AHCTF1: variants seen among roughly 807,000 people sequenced by gnomAD.
AHCTF1 encodes AT-hook containing transcription factor 1.
In AHCTF1, 24 loss-of-function variants were observed where a neutral mutation model predicts 248.4. That is an observed-to-expected ratio of 0.10 (90% confidence interval 0.07 to 0.14). The LOEUF (loss-of-function observed/expected upper bound fraction) is 0.14. Ranked by LOEUF, AHCTF1 falls within the 10% of genes least tolerant of loss-of-function variation. The pLI is 1.00. For missense variants in AHCTF1, 2,206 were observed against 2,636.2 expected, an observed-to-expected ratio of 0.84 and a Z score of 3.57; for synonymous variants, 786 against 929.8, an observed-to-expected ratio of 0.85 and a Z score of 2.81.
intron 1 of AHCTF1, chr1:246,931,327 T>C (rs1334940999): frequency 3.9e-6 from 6 of 1,545,274 alleles, no homozygotes; most frequent in Non-Finnish European, 5.2e-6. Flanking sequence ...TCCGCCGCCA[T>C]GTGCCGCCGC....
chr1:246,927,575 G>C (rs1225766721), intron 1 of AHCTF1, among the ~76,000 whole-genome samples: 1 of 152,234 alleles, frequency 6.6e-6, no homozygotes, highest in Non-Finnish European at 1.5e-5. Flanking sequence ...GTTCAGTACT[G>C]TACAAAATTA....
chr1:246,851,617 TTCTC>T (rs2103045054), intron 32 of AHCTF1, among the ~76,000 whole-genome samples, 175 bp from the exon 33 acceptor site: 1 of 152,326 alleles, frequency 6.6e-6, no homozygotes, highest in South Asian at 2.1e-4. Context: ...CAATCAGACT[TTCTC>T]ATTCAGTCAA....
intron 1 of AHCTF1, chr1:246,931,054 A>G: frequency 6.5e-7 from 1 of 1,526,732 alleles, no homozygotes; most frequent in Non-Finnish European, 8.8e-7. Context: ...AATCTCCTTG[A>G]TCTGACCAAT....
intron 21 of AHCTF1, among the ~76,000 whole-genome samples, chr1:246,877,895 A>G (rs1251863963): frequency 6.6e-6 from 1 of 152,168 alleles, no homozygotes; most frequent in South Asian, 2.1e-4. Context: ...AGAATCAGGT[A>G]GGAGAATTTT....
rs1558248004 is a variant in AHCTF1, at chr1:246,886,174, T to C, written c.2473-494A>G. Among the ~76,000 whole-genome samples the C allele has an allele frequency of 2.6e-5, 4 of 151,924 alleles. No individual in the cohort carries two copies. In the South Asian group the frequency reaches 6.2e-4, roughly 24 times the overall value. ...GGTGAAACCTCGTCTCTACTAAAAATGTAAAAATTAGCCAGGTAGGGTGGT... is the reference window on the plus strand; with the variant it reads ...GGTGAAACCTCGTCTCTACTAAAAACGTAAAAATTAGCCAGGTAGGGTGGT... On this transcript the variant is annotated intron_variant, in intron 20 of 35. Transcript: ENST00000648844.
chr1:246,857,937 G>T, intron 29 of AHCTF1, 123 bp from the exon 30 acceptor site: 1 of 798,812 alleles, frequency 1.3e-6, no homozygotes, highest in Non-Finnish European at 1.9e-6. Context: ...GTTTGCTGCT[G>T]TGTTATCAGA....
intron 24 of AHCTF1, among the ~76,000 whole-genome samples, chr1:246,873,229 T>C (rs1662720979): frequency 1.3e-5 from 2 of 152,206 alleles, no homozygotes; most frequent in South Asian, 2.1e-4. Flanking sequence ...TCTATACTCA[T>C]TACTCTTCTG....
intron 21 of AHCTF1, among the ~76,000 whole-genome samples, chr1:246,885,066 C>T (rs1663717949): frequency 6.6e-6 from 1 of 152,090 alleles, no homozygotes; most frequent in African/African-American, 2.4e-5. Flanking sequence ...AATTTGGCGC[C>T]CCTCCCTTTT....
At chr1:246,848,781 C>T (rs1018192033) in intron 33 of AHCTF1, among the ~76,000 whole-genome samples, 3 of 151,840 alleles carry the variant, frequency 2.0e-5, no homozygotes, top group Non-Finnish European at 4.4e-5. Context: ...ACCCAGGGGG[C>T]ACATGTTGCA....
intron 4 of AHCTF1, among the ~76,000 whole-genome samples, chr1:246,909,107 C>CTATG (rs1553302586): frequency 2.7e-5 from 4 of 149,500 alleles, no homozygotes; most frequent in African/African-American, 9.8e-5. Context: ...ATCTATCTAT[C>CTATG]TATTTATATA....
In AHCTF1 at chr1:246,868,028, T is replaced by C. The variant is rs944408250; in HGVS notation, c.3089-217A>G. Among the ~76,000 whole-genome samples, 3 of 151,616 alleles carry C rather than the reference T, an allele frequency of 2.0e-5. No homozygotes were observed. The East Asian group carries it at 5.8e-4, about 29-fold the overall frequency. On this transcript the variant is annotated intron_variant, in intron 24 of 35. Transcript: ENST00000648844. ...CTCAAGCTGGAGGGCAGTGGCATGATCTCGGCTCACTGCACCCTCTGCCTC... is the reference window on the plus strand; with the variant it reads ...CTCAAGCTGGAGGGCAGTGGCATGACCTCGGCTCACTGCACCCTCTGCCTC...
At chr1:246,845,498 A>G (rs1244749730) in intron 33 of AHCTF1, among the ~76,000 whole-genome samples, 1 of 152,230 alleles carries the variant, frequency 6.6e-6, no homozygotes, top group African/African-American at 2.4e-5. Flanking sequence ...ACAGATGAAC[A>G]AAAGTATTTC....
At chr1:246,885,848 C>T (rs1663780075) in intron 20 of AHCTF1, among the ~76,000 whole-genome samples, 168 bp from the exon 21 acceptor site, 1 of 152,158 alleles carries the variant, frequency 6.6e-6, no homozygotes, top group Non-Finnish European at 1.5e-5. Flanking sequence ...TCAGTATCTA[C>T]AGGATCCATA....
chr1:246,897,993 T>C (rs1038284741), intron 12 of AHCTF1, among the ~76,000 whole-genome samples: 16 of 152,148 alleles, frequency 1.1e-4, no homozygotes, highest in Non-Finnish European at 2.9e-5. Context: ...TATCCTTCTA[T>C]ACAGCTAAGT....
intron 2 of AHCTF1, among the ~76,000 whole-genome samples, chr1:246,916,958 A>G (rs1220863506): frequency 6.6e-6 from 1 of 152,240 alleles, no homozygotes; most frequent in Non-Finnish European, 1.5e-5. Flanking sequence ...ATTAAGACAT[A>G]ACTAGCATAA....
At position 246,876,147 on chromosome 1, in the gene AHCTF1, C is replaced by T. The variant is rs757970163; in HGVS notation, c.2978G>A (p.Arg993Gln). Residue 993 changes from arginine (R) to glutamine (Q), a missense_variant, in exon 24 of 36, where the codon CGA becomes CAA. Physicochemically the swap from Arg to Gln is conservative, Grantham distance 43 (BLOSUM62 1). Coordinates refer to ENST00000648844, the MANE Select transcript of AHCTF1 (RefSeq NM_001323342.2). ...TCCATACTGGTCTAATATAGAATTTCGAGCCAGTGATCTCTCCCGCAAACG... is the reference window on the plus strand; with the variant it reads ...TCCATACTGGTCTAATATAGAATTTTGAGCCAGTGATCTCTCCCGCAAACG... ...DPRLRERSLA[R>Q]NSILDQYGKI... 1.6e-5 allele frequency: 25 copies of T among 1,603,474 alleles called. No homozygotes were observed. The highest frequency in any genetic ancestry group is 2.2e-5 in the East Asian group (1 of 44,732).
chr1:246,858,611 C>T (rs1477115494), intron 29 of AHCTF1, among the ~76,000 whole-genome samples: 1 of 151,428 alleles, frequency 6.6e-6, no homozygotes, highest in Non-Finnish European at 1.5e-5. Flanking sequence ...AGGCAGATCA[C>T]GAGGTCAGGA....
intron 3 of AHCTF1, among the ~76,000 whole-genome samples, chr1:246,915,785 A>G (rs1027624734): frequency 6.6e-6 from 1 of 152,232 alleles, no homozygotes; most frequent in African/African-American, 2.4e-5. Flanking sequence ...AGTAATGAAT[A>G]CATTTTTATA....
chr1:246,892,307 T>C (rs896311970), intron 14 of AHCTF1, among the ~76,000 whole-genome samples: 1 of 80,284 alleles, frequency 1.2e-5, no homozygotes, highest in East Asian at 2.8e-4. Context: ...TTTACTTTTT[T>C]TTTTTTTTTT....
Sources: allele counts gnomAD v4.1 joint callset (sites outside exome capture counted in the v4.1 genomes callset), GRCh38; gene constraint gnomAD v4.1.1; transcripts MANE v1.5; gene names NCBI Gene and HGNC (gene_info 2026-07-23, HGNC 2026-07-21).